Variants in PRDM16 observed in about 807,000 individuals in gnomAD.
PRDM16 encodes the protein PR/SET domain 16, also known as histone-lysine N-methyltransferase PRDM16.
PRDM16 carries 23 observed loss-of-function variants against 110.6 expected under a neutral mutation model. The observed-to-expected ratio is 0.21, with a 90% CI of 0.15 to 0.29. PRDM16 has a LOEUF of 0.29. Ranked by LOEUF, PRDM16 falls within the 10% of genes least tolerant of loss-of-function variation. The probability of loss-of-function intolerance (pLI) is 1.00; values close to 1 mark genes in which losing one functional copy is unlikely to be tolerated. For synonymous variants in PRDM16, 799 were observed against 781.8 expected (o/e 1.02, Z -0.37); for missense variants, 1,615 against 1,794.3 (o/e 0.90, Z 1.81).
intron 2 of PRDM16, chr1:3,207,019 G>T (rs1324899387): frequency 6.6e-6 from 1 of 152,248 alleles, no homozygotes; most frequent in Non-Finnish European, 1.5e-5. Flanking sequence ...TTCCAGGAAG[G>T]TGGAAAAGGC....
rs990236032 is a variant in PRDM16 at position 3,358,570 on chromosome 1, C to G, written c.439-26582C>G. On this transcript the variant is annotated intron_variant, in intron 3 of 16. Coordinates refer to ENST00000270722, the MANE Select transcript of PRDM16 (RefSeq NM_022114.4). This position sits in a 1 kb window ranked among gnomAD's most constrained non-coding sequence, Gnocchi z 4.0. ...AGAGCCCCGAATTCTCCACTGGGGC[C>G]GGAAGAGGAGCTCTCGGACCCCTCC... Among the ~76,000 whole-genome samples the G allele has an allele frequency of 6.6e-6, 1 of 152,186 alleles. No homozygotes were observed. The highest frequency in any genetic ancestry group is 1.5e-5 in the Non-Finnish European group (1 of 68,042).
In PRDM16 at chr1:3,412,206, C is replaced by G; in HGVS notation, c.2009C>G (p.Ser670Cys). The G allele has an allele frequency of 1.2e-6, 2 of 1,605,514 alleles. No homozygotes were observed. Among genetic ancestry groups the G allele is most frequent in the Non-Finnish European group, 1.7e-6 (2 of 1,174,236 alleles). The stretch of plus-strand genomic sequence containing the variant: ...GTGGCCGAGGTGCCTGTCTTCTATT[C>G]CCAGCACTCATTCTTCCCGCCACCC... The part of the protein sequence containing the change: ...NSVAEVPVFY[S>C]QHSFFPPPDE... The change falls in exon 9 of 17, where the codon TCC (serine) becomes TGC (cysteine). Residue 670 changes from serine to cysteine, a missense_variant. This residue lies in a region of PRDM16 where 772 missense variants were observed against 748.3 expected (regional missense o/e 1.03). Transcript: ENST00000270722.
chr1:3,324,961 G>A (rs1641855297), intron 3 of PRDM16, among the ~76,000 whole-genome samples: 1 of 152,164 alleles, frequency 6.6e-6, no homozygotes, highest in African/African-American at 2.4e-5. Flanking sequence ...CCTGGGGGGA[G>A]GATGCACGCG....
chr1:3,365,960 A>G (rs973789371), intron 3 of PRDM16, among the ~76,000 whole-genome samples: 1 of 151,834 alleles, frequency 6.6e-6, no homozygotes, highest in Admixed American at 6.6e-5. Flanking sequence ...GCATGCACAC[A>G]TGCACACACA....
chr1:3,183,483 C>T (rs942352157), intron 1 of PRDM16, among the ~76,000 whole-genome samples: 1 of 152,212 alleles, frequency 6.6e-6, no homozygotes, highest in Non-Finnish European at 1.5e-5. Context: ...CTCTCACCCA[C>T]CCTTGAAAGA....
At chr1:3,114,409 C>G (rs62653675) in intron 1 of PRDM16, among the ~76,000 whole-genome samples, 1 of 105,420 alleles carries the variant, frequency 9.5e-6, no homozygotes, top group South Asian at 3.2e-4. Context: ...CGCACACACA[C>G]GCACACACAT....
intron 1 of PRDM16, among the ~76,000 whole-genome samples, chr1:3,093,785 G>A (rs374182641): frequency 1.3e-5 from 2 of 152,324 alleles, no homozygotes; most frequent in African/African-American, 4.8e-5. Context: ...CTCCCACCTG[G>A]CTGTGGCTGA....
chr1:3,409,834 G>GT (rs1553175959), intron 8 of PRDM16, among the ~76,000 whole-genome samples: 1 of 125,800 alleles, frequency 7.9e-6, no homozygotes, highest in African/African-American at 3.1e-5. Flanking sequence ...GTTGTGTGTG[G>GT]GTGTGTGGTG....
At position 3,417,890 on chromosome 1, in the gene PRDM16, G is replaced by A. The variant is rs1319181975; in HGVS notation, c.2754G>A (p.Ser918=). ...LESFAAMKAD[S]GSSLQPLPHH... is the part of the protein sequence containing the mutation. ...GCTTTGCAGCCATGAAGGCGGACTC[G>A]GGCAGCTCCCTGCAGCCCCTCCCCC... The change falls in exon 11 of 17, where the codon TCG becomes TCA. Residue 918 remains serine, a synonymous_variant. Coordinates refer to ENST00000270722, the MANE Select transcript of PRDM16 (RefSeq NM_022114.4). The A allele has an allele frequency of 1.1e-5, 18 of 1,613,550 alleles. No individual in the cohort carries two copies. The highest frequency in any genetic ancestry group is 2.2e-5 in the East Asian group (1 of 44,882).
chr1:3,371,076 C>T (rs1400368219), intron 3 of PRDM16, among the ~76,000 whole-genome samples: 1 of 151,542 alleles, frequency 6.6e-6, no homozygotes, highest in Non-Finnish European at 1.5e-5. Flanking sequence ...ACCATCCATT[C>T]AACCATCCAT....
intron 2 of PRDM16, among the ~76,000 whole-genome samples, chr1:3,241,998 G>C (rs1557552301): frequency 6.6e-6 from 1 of 152,234 alleles, no homozygotes; most frequent in Non-Finnish European, 1.5e-5. Flanking sequence ...GGGAGTGATC[G>C]TGGGGGTGTC....
chr1:3,125,114 C>T (rs922777267), intron 1 of PRDM16, among the ~76,000 whole-genome samples: 7 of 152,268 alleles, frequency 4.6e-5, no homozygotes, highest in Non-Finnish European at 7.3e-5. Flanking sequence ...AAAGCTCTGA[C>T]ATTTCTGCCT....
chr1:3,102,723 G>C (rs960882250), intron 1 of PRDM16, among the ~76,000 whole-genome samples: 1 of 152,220 alleles, frequency 6.6e-6, no homozygotes, highest in African/African-American at 2.4e-5. Context: ...AAGGAGACCT[G>C]TACCTGTTAC....
chr1:3,325,997 C>A (rs1379552222), intron 3 of PRDM16, among the ~76,000 whole-genome samples: 2 of 143,288 alleles, frequency 1.4e-5, no homozygotes, highest in Non-Finnish European at 3.0e-5. Context: ...CCATCCTTGG[C>A]CCCCCTTGGC....
At chr1:3,292,345 GC>G (rs1268431396) in intron 3 of PRDM16, among the ~76,000 whole-genome samples, 2 of 152,186 alleles carry the variant, frequency 1.3e-5, no homozygotes, top group African/African-American at 4.8e-5. Context: ...CTCATTTTTA[GC>G]CCCTGGGAAT....
chr1:3,145,693 C>G (rs1643635017), intron 1 of PRDM16, among the ~76,000 whole-genome samples: 1 of 152,222 alleles, frequency 6.6e-6, no homozygotes, highest in Non-Finnish European at 1.5e-5. Context: ...CCACCCGCTC[C>G]CGGTCTCTCA....
At chr1:3,387,037 C>G (rs1319159628) in intron 4 of PRDM16, 5 of 152,212 alleles carry the variant, frequency 3.3e-5, no homozygotes, top group African/African-American at 1.2e-4. Context: ...TTCGGGGAAG[C>G]TTTCCTTTTA....
chr1:3,385,719 C>T (rs1281189048), intron 4 of PRDM16, among the ~76,000 whole-genome samples: 1 of 152,224 alleles, frequency 6.6e-6, no homozygotes, highest in Non-Finnish European at 1.5e-5. Flanking sequence ...GAGTCCGCAC[C>T]GGCCAATGAG....
chr1:3,136,393 C>T (rs767237244), intron 1 of PRDM16, among the ~76,000 whole-genome samples: 7 of 152,160 alleles, frequency 4.6e-5, no homozygotes, highest in African/African-American at 7.2e-5. Flanking sequence ...AAAGATGGAC[C>T]GACAGTCCCC....
Sources: allele counts gnomAD v4.1 joint callset (sites outside exome capture counted in the v4.1 genomes callset), GRCh38; gene constraint gnomAD v4.1.1; regional missense constraint gnomAD v4.1.1; non-coding constraint Gnocchi (gnomAD v3.1); transcripts MANE v1.5; gene names NCBI Gene and HGNC (gene_info 2026-07-23, HGNC 2026-07-21).